Variants in RYR2 observed in about 807,000 individuals in gnomAD.
RYR2 encodes the protein cardiac muscle ryanodine receptor-calcium release channel.
In RYR2, 227 loss-of-function variants were observed where a neutral mutation model predicts 601.1. That is an observed-to-expected ratio of 0.38 (90% CI 0.34 to 0.42). The LOEUF is 0.42. Among genes scored for constraint, RYR2 ranks in the 10% least tolerant of loss-of-function variants. The pLI is 1.00. For missense variants in RYR2, 4,646 were observed against 6,156.5 expected (o/e 0.75, Z 8.21); for synonymous variants, 2,223 against 2,175.1 (o/e 1.02, Z -0.61).
At chr1:237,093,007 G>A (rs367919071) in intron 1 of RYR2, among the ~76,000 whole-genome samples, 137 of 152,236 alleles carry the variant, frequency 9.0e-4, no homozygotes, top group African/African-American at 3.2e-3. Flanking sequence ...GTGCTGTCCC[G>A]TAGAACTCCC....
At chr1:237,762,062 AT>A (rs1269234178) in intron 84 of RYR2, among the ~76,000 whole-genome samples, 4 of 152,186 alleles carry the variant, frequency 2.6e-5, no homozygotes, top group African/African-American at 9.7e-5. Context: ...CCATTCTGAC[AT>A]TGCTACCACT....
intron 2 of RYR2, among the ~76,000 whole-genome samples, chr1:237,271,298 A>G (rs923408907): frequency 1.4e-4 from 22 of 152,212 alleles, no homozygotes; most frequent in Admixed American, 5.2e-4. Context: ...ACTTTTTGAG[A>G]CAATCGCTCC....
chr1:237,247,396 T>C (rs761252141), intron 1 of RYR2, among the ~76,000 whole-genome samples: 7 of 152,190 alleles, frequency 4.6e-5, no homozygotes, highest in Admixed American at 1.3e-4. Flanking sequence ...CTATTCATTG[T>C]GGAAAGATTC....
chr1:237,624,096 A>T (rs763373083), intron 39 of RYR2, among the ~76,000 whole-genome samples: 1 of 152,180 alleles, frequency 6.6e-6, no homozygotes, highest in South Asian at 2.1e-4. Context: ...TGAGCAGAAG[A>T]TGACCAAAAT....
At chr1:237,378,619 G>C (rs1418367274) in intron 8 of RYR2, among the ~76,000 whole-genome samples, 1 of 152,146 alleles carries the variant, frequency 6.6e-6, no homozygotes, top group Non-Finnish European at 1.5e-5. Context: ...GTTATAGAAA[G>C]TATTTTACCA....
intron 1 of RYR2, among the ~76,000 whole-genome samples, chr1:237,158,822 T>C (rs1441308257): frequency 6.6e-6 from 1 of 152,220 alleles, no homozygotes; most frequent in Non-Finnish European, 1.5e-5. Flanking sequence ...TCTAGTTCCA[T>C]GGGCCTAAGA....
At chr1:237,192,967 G>A (rs553997546) in intron 1 of RYR2, among the ~76,000 whole-genome samples, 3 of 151,974 alleles carry the variant, frequency 2.0e-5, no homozygotes, top group South Asian at 2.1e-4. Flanking sequence ...TCCCAAATCC[G>A]TGGGCAAGGT....
chr1:237,240,926 T>C (rs12127545), intron 1 of RYR2, among the ~76,000 whole-genome samples: 43,608 of 152,120 alleles, frequency 0.29, 7,804 homozygotes, highest in Admixed American at 0.39. Flanking sequence ...CATCTTAAGA[T>C]GATATGGCAT....
At chr1:237,633,976 G>C (rs1293081515) in intron 43 of RYR2, among the ~76,000 whole-genome samples, 1 of 152,070 alleles carries the variant, frequency 6.6e-6, no homozygotes, top group Non-Finnish European at 1.5e-5. Flanking sequence ...TGTTGGCGAG[G>C]GTGTGGGGAA....
chr1:237,127,677 C>T (rs1408960002), intron 1 of RYR2, among the ~76,000 whole-genome samples: 3 of 149,344 alleles, frequency 2.0e-5, no homozygotes, highest in Admixed American at 6.6e-5. Context: ...ACGGGGCGGC[C>T]GGGCAGAGAT....
intron 1 of RYR2, among the ~76,000 whole-genome samples, chr1:237,209,067 CTT>C (rs201826770): frequency 0.01 from 1,367 of 130,298 alleles, 35 homozygotes; most frequent in African/African-American, 0.034. Flanking sequence ...GTATGTAACA[CTT>C]ATATATAAAA....
chr1:237,541,980 T>A (rs2779373), intron 25 of RYR2, among the ~76,000 whole-genome samples: 149,070 of 152,108 alleles, frequency 0.98, 73,117 homozygotes, highest in Middle Eastern at 1. Context: ...TATAGGTGCA[T>A]GTCACAGGGG....
At position 237,270,552 on chromosome 1, in the gene RYR2, T is replaced by A. The variant is rs1336134919; in HGVS notation, c.104T>A (p.Leu35Gln). ...TATIHKEQQK[L>Q]CLAAEGFGNR... ...ACCATCCACAAAGAACAACAGAAGC[T>A]ATGCTTGGCAGCAGAAGGATTTGGC... Residue 35 changes from leucine (L) to glutamine (Q), a missense_variant, in exon 2 of 105, where the codon CTA becomes CAA. This residue lies in a region of RYR2 where 153 missense variants were observed against 203.6 expected (regional missense o/e 0.75). Transcript: ENST00000366574. 6.3e-7 allele frequency: 1 copy of A among 1,599,146 alleles called. No homozygotes were observed. The highest frequency in any genetic ancestry group is 1.3e-5 in the African/African-American group (1 of 74,792).
Position 237,756,459 on chromosome 1 carries a change from C to T in RYR2, c.11245+72C>T, listed in dbSNP as rs757097610. 113 of 954,016 alleles carry T rather than the reference C, an allele frequency of 1.2e-4. 1 individual carries two copies. The highest frequency in any genetic ancestry group is 1.7e-4 in the Non-Finnish European group (103 of 619,976). The allele number at this position is 954,016 out of a possible 1,614,324, so 59.1% of individuals were successfully genotyped here. ...CCTCGTTGCTCTCAAGGTCCTCCCT[C>T]ATTTCAATTCCACTGACTCATTTAG... On this transcript the variant is annotated intron_variant, in intron 81 of 104. Coordinates refer to ENST00000366574, the MANE Select transcript of RYR2 (RefSeq NM_001035.3).
intron 56 of RYR2, among the ~76,000 whole-genome samples, chr1:237,661,403 G>A (rs1683781043): frequency 1.3e-5 from 2 of 152,148 alleles, no homozygotes; most frequent in East Asian, 3.9e-4. Flanking sequence ...GTAGATGACG[G>A]GTTGATGGGT....
chr1:237,069,234 A>C (rs1664014742), intron 1 of RYR2, among the ~76,000 whole-genome samples: 1 of 152,172 alleles, frequency 6.6e-6, no homozygotes, highest in African/African-American at 2.4e-5. Context: ...TTTTGTGATA[A>C]GAGAAAGTGG....
At chr1:237,191,504 G>A (rs994003606) in intron 1 of RYR2, among the ~76,000 whole-genome samples, 6 of 151,220 alleles carry the variant, frequency 4.0e-5, no homozygotes, top group South Asian at 4.2e-4. Context: ...AGATTTTATC[G>A]GGAAGAAGCT....
At chr1:237,049,521 T>A (rs1660991494) in intron 1 of RYR2, among the ~76,000 whole-genome samples, 1 of 152,262 alleles carries the variant, frequency 6.6e-6, no homozygotes, top group Middle Eastern at 3.4e-3. Context: ...GTTCGTAGTC[T>A]TAGGGTCAAC....
At chr1:237,725,491 G>C (rs1690118765) in intron 74 of RYR2, among the ~76,000 whole-genome samples, 1 of 152,052 alleles carries the variant, frequency 6.6e-6, no homozygotes, top group Non-Finnish European at 1.5e-5. Flanking sequence ...TCAGCAGCCT[G>C]TTTTAGATGT....
Sources: gnomAD v4.1 joint callset for allele counts (sites outside exome capture counted in the v4.1 genomes callset) on GRCh38, gnomAD v4.1.1 for gene constraint, gnomAD v4.1.1 regional missense constraint, MANE v1.5 for transcripts, NCBI Gene and HGNC (gene_info 2026-07-23, HGNC 2026-07-21) for gene names.